CAPN14: variants seen among roughly 807,000 people sequenced by gnomAD.
CAPN14 encodes calpain-14.
In CAPN14, 94 loss-of-function variants were observed where a neutral mutation model predicts 101.3. The observed-to-expected ratio is 0.93, with a 90% confidence interval of 0.79 to 1.10. The LOEUF is 1.10. Ranked by LOEUF, CAPN14 falls within the 50% of genes least tolerant of loss-of-function variation. CAPN14 has a pLI of 0.00. For synonymous variants in CAPN14, 338 were observed against 317.9 expected (o/e 1.06, Z -0.67); for missense variants, 837 against 828.4 (o/e 1.01, Z -0.13).
Position 31,201,926 on chromosome 2 carries a change from C to A in CAPN14, c.487G>T (p.Val163Phe), listed in dbSNP as rs566170695. Residue 163 changes from valine to phenylalanine, a missense_variant, in exon 5 of 22, where the codon GTC (valine) becomes TTC (phenylalanine). Physicochemically the swap from Val to Phe is conservative, Grantham distance 50. Transcript: ENST00000403897. ...TTCTTATAGGTGGAGGAGACAAAGA[C>A]CAGCTGGCCAGCCTCATTCACAGGC... ...RLPVNEAGQL[V>F]FVSSTYKNLF... 6 of 1,551,714 alleles carry A rather than the reference C, an allele frequency of 3.9e-6. No individual in the cohort carries two copies. In the East Asian group the frequency reaches 1.2e-4, roughly 32 times the overall value.
In CAPN14 at chr2:31,177,117, A is replaced by C; in HGVS notation, c.1881T>G (p.Cys627Trp). ...CGCCGTAGCGGATGAGCATCAGCTG[A>C]CAGACGTCATCACTGAGCATGATTC... ...EAGIMLSDDV[C>W]QLMLIRYGGP... The change falls in exon 20 of 22, where the codon TGT becomes TGG. Residue 627 changes from cysteine to tryptophan, a missense_variant. Cys to Trp is a radical substitution (Grantham distance 215). Transcript: ENST00000403897. 1.3e-6 allele frequency: 2 copies of C among 1,551,180 alleles called. No individual in the cohort carries two copies. Among genetic ancestry groups the C allele is most frequent in the Non-Finnish European group, 1.7e-6 (2 of 1,146,650 alleles).
chr2:31,181,765 A>G (rs1465112917), intron 16 of CAPN14, among the ~76,000 whole-genome samples: 1 of 139,898 alleles, frequency 7.1e-6, no homozygotes, highest in Non-Finnish European at 1.5e-5. Flanking sequence ...GAGTGAGAAC[A>G]TGTGGTGTTT....
At position 31,188,312 on chromosome 2, in the gene CAPN14, A is replaced by G; in HGVS notation, c.1530+6T>C. The G allele has an allele frequency of 6.4e-7, 1 of 1,551,076 alleles. No homozygotes were observed. The highest frequency in any genetic ancestry group is 8.7e-7 in the Non-Finnish European group (1 of 1,146,496). ...CAGCCATATGGAATTCCACCAGACT[A>G]CTCACCTTTGAGAAGACGACACCAG... On this transcript the variant is annotated splice_donor_region_variant and intron_variant, in intron 14 of 21. Coordinates refer to ENST00000403897, the MANE Select transcript of CAPN14 (RefSeq NM_001145122.2).
chr2:31,184,049 T>C (rs904080021), intron 16 of CAPN14, among the ~76,000 whole-genome samples: 18 of 152,082 alleles, frequency 1.2e-4, no homozygotes, highest in Admixed American at 1.1e-3. Flanking sequence ...ATCTGGCTAA[T>C]TTTTCATATT....
At chr2:31,198,972 G>T (rs1230377661) in intron 7 of CAPN14, among the ~76,000 whole-genome samples, 1 of 152,140 alleles carries the variant, frequency 6.6e-6, no homozygotes, top group South Asian at 2.1e-4. Context: ...TCTTCTCTCA[G>T]TTTCAACTTT....
rs559057634 is a variant in CAPN14 at position 31,191,091 on chromosome 2, C to T, written c.1287+308G>A. On this transcript the variant is annotated intron_variant, in intron 12 of 21. Coordinates refer to ENST00000403897, the MANE Select transcript of CAPN14 (RefSeq NM_001145122.2). ...ATCATCTTTCCTATGCTGTGATGGC[C>T]GTCAATATTAGCCCTGGGTATTTGT... Among the ~76,000 whole-genome samples, 14 of 152,122 alleles carry T rather than the reference C, an allele frequency of 9.2e-5. 1 individual carries two copies. The highest frequency in any genetic ancestry group is 6.5e-4 in the Admixed American group (10 of 15,274).
rs1404056571 is a variant in CAPN14 at position 31,186,412 on chromosome 2, G to A, written c.1645+16C>T. 1 of 1,542,528 alleles carries A rather than the reference G, an allele frequency of 6.5e-7. No homozygotes were observed. The highest frequency in any genetic ancestry group is 8.8e-7 in the Non-Finnish European group (1 of 1,141,216). ...CATCCCCTCTGAGTCCTACAGAATG[G>A]CTCTAAAACACTTACTTGACCAGGT... On this transcript the variant is annotated intron_variant, in intron 16 of 21. Coordinates refer to ENST00000403897, the MANE Select transcript of CAPN14 (RefSeq NM_001145122.2).
rs1680198418 is a variant in CAPN14, at chr2:31,174,516, C to T, written c.*165G>A. On this transcript the variant is annotated 3_prime_UTR_variant, in exon 22 of 22. Coordinates refer to ENST00000403897, the MANE Select transcript of CAPN14 (RefSeq NM_001145122.2). ...CTTCCCTTTCTGCATGCTGGCCATG[C>T]ACGGGGAGGGCTGCAGAAGAGAAAC... The T allele has an allele frequency of 1.5e-6, 1 of 663,480 alleles. No individual in the cohort carries two copies. The highest frequency in any genetic ancestry group is 1.8e-5 in the South Asian group (1 of 54,090). The allele number at this position is 663,480 out of a possible 1,614,324, so 41.1% of individuals were successfully genotyped here.
chr2:31,227,906 G>C lies in CAPN14; in HGVS notation c.-176-1255C>G, dbSNP rs186856146. On this transcript the variant is annotated intron_variant and NMD_transcript_variant, in intron 1 of 21. Coordinates refer to the CAPN14 transcript ENST00000398824. ...GGGGTAGCTTGGAAGTGGGGAGAGG[G>C]GCACAGCCTTCTTATGGGAGAGCTG... 3.3e-5 allele frequency among the ~76,000 whole-genome samples: 5 copies of C among 152,300 alleles called. No homozygotes were observed. The East Asian group carries it at 7.7e-4, about 24-fold the overall frequency.
intron 2 of CAPN14, among the ~76,000 whole-genome samples, chr2:31,224,999 G>A (rs1325852679): frequency 7.2e-5 from 11 of 152,030 alleles, no homozygotes; most frequent in Non-Finnish European, 1.5e-5. Context: ...ATTCGGTTTT[G>A]TAGGAGAGAG....
intron 18 of CAPN14, among the ~76,000 whole-genome samples, chr2:31,178,117 G>A (rs1044450105): frequency 1.3e-5 from 2 of 152,236 alleles, no homozygotes; most frequent in African/African-American, 4.8e-5. Flanking sequence ...ACTTTAAAGT[G>A]ATTCCAGCTT....
chr2:31,211,700 C>CAT (rs1553397697), intron 1 of CAPN14, among the ~76,000 whole-genome samples: 1 of 149,658 alleles, frequency 6.7e-6, no homozygotes, highest in Non-Finnish European at 1.5e-5. Flanking sequence ...CACACACACA[C>CAT]GATGGGAAGA....
chr2:31,191,964 G>C lies in CAPN14; in HGVS notation c.1249C>G (p.Leu417Val), dbSNP rs181906086. ...TACAGGTAGAAGCCAATGGCGAGGAGAGGCTTCCGCTTGCGGCACCTGTGC... is the reference window on the plus strand; with the variant it reads ...TACAGGTAGAAGCCAATGGCGAGGACAGGCTTCCGCTTGCGGCACCTGTGC... The part of the protein sequence containing the change: ...PRHRCRKRKP[L>V]LAIGFYLYRM... The change falls in exon 11 of 22, where the codon CTC becomes GTC. Residue 417 changes from leucine (L) to valine (V), a missense_variant. Transcript: ENST00000403897. The C allele has an allele frequency of 6.4e-7, 1 of 1,551,350 alleles. No homozygotes were observed. Among genetic ancestry groups the C allele is most frequent in the Admixed American group, 2.0e-5 (1 of 50,972 alleles).
chr2:31,188,183 G>T, intron 14 of CAPN14, 135 bp downstream of exon 14: 1 of 780,712 alleles, frequency 1.3e-6, no homozygotes, highest in Non-Finnish European at 2.2e-6. Context: ...GATACAACGG[G>T]TAATGTTTGC....
intron 1 of CAPN14, among the ~76,000 whole-genome samples, chr2:31,227,221 T>C (rs757824753): frequency 6.6e-6 from 1 of 152,178 alleles, no homozygotes; most frequent in Non-Finnish European, 1.5e-5. Flanking sequence ...CTCCGTGTAA[T>C]ATTGGATTTC....
At chr2:31,198,895 C>A (rs1387108153) in intron 7 of CAPN14, among the ~76,000 whole-genome samples, 1 of 152,194 alleles carries the variant, frequency 6.6e-6, no homozygotes, top group Non-Finnish European at 1.5e-5. Flanking sequence ...TCTGACTTCT[C>A]CCCAGCCCAA....
At chr2:31,184,986 T>C (rs955790749) in intron 16 of CAPN14, among the ~76,000 whole-genome samples, 2 of 152,208 alleles carry the variant, frequency 1.3e-5, no homozygotes, top group African/African-American at 2.4e-5. Context: ...CTTAAAATGG[T>C]CTATATCAAA....
At chr2:31,229,708 A>G (rs1683131939) in intron 1 of CAPN14, among the ~76,000 whole-genome samples, 1 of 151,770 alleles carries the variant, frequency 6.6e-6, no homozygotes, top group Admixed American at 6.6e-5. Context: ...AAGGAAAAGA[A>G]AAAGAAAGAA....
At chr2:31,205,066 A>T (rs1681998751) in intron 2 of CAPN14, among the ~76,000 whole-genome samples, 157 bp downstream of exon 2, 1 of 151,914 alleles carries the variant, frequency 6.6e-6, no homozygotes, top group Admixed American at 6.6e-5. Flanking sequence ...TGTGGGGAAA[A>T]CCTCCTACAC....
Sources: gnomAD v4.1 joint callset for allele counts (sites outside exome capture counted in the v4.1 genomes callset) on GRCh38, gnomAD v4.1.1 for gene constraint, MANE v1.5 for transcripts, NCBI Gene and HGNC (gene_info 2026-07-23, HGNC 2026-07-21) for gene names.